The following FHIT variants were observed in gnomAD, a reference collection of about 807,000 sequenced individuals.
The protein encoded by FHIT is fragile histidine triad diadenosine triphosphatase, also known as bis(5'-adenosyl)-triphosphatase.
A neutral mutation model predicts 17.9 loss-of-function variants in FHIT; 19 were observed. The observed-to-expected ratio is 1.06, with a 90% confidence interval of 0.74 to 1.56. The LOEUF (loss-of-function observed/expected upper bound fraction) is 1.56. FHIT is among the 40% of genes most tolerant of loss of function. FHIT has a pLI of 0.00. For missense variants in FHIT, 248 were observed against 189.2 expected, an observed-to-expected ratio of 1.31 and a Z score of -1.82; for synonymous variants, 81 against 69.7, an observed-to-expected ratio of 1.16 and a Z score of -0.81.
At chr3:60,221,116 A>G (rs1292666938) in intron 5 of FHIT, among the ~76,000 whole-genome samples, 1 of 152,172 alleles carries the variant, frequency 6.6e-6, no homozygotes, top group African/African-American at 2.4e-5. Context: ...CACAAGAATC[A>G]TGTAACTGTG....
intron 5 of FHIT, among the ~76,000 whole-genome samples, chr3:60,034,771 A>G: frequency 6.6e-6 from 1 of 152,202 alleles, no homozygotes; most frequent in Non-Finnish European, 1.5e-5. Flanking sequence ...ATATTAATTT[A>G]CATGTAAAAA....
At chr3:60,185,213 C>T (rs1045418071) in intron 5 of FHIT, among the ~76,000 whole-genome samples, 1 of 152,074 alleles carries the variant, frequency 6.6e-6, no homozygotes, top group African/African-American at 2.4e-5. Flanking sequence ...GTCAGGTATC[C>T]ACCATTTACA....
chr3:60,219,963 G>A (rs956540934), intron 5 of FHIT, among the ~76,000 whole-genome samples: 4 of 152,078 alleles, frequency 2.6e-5, no homozygotes, highest in Admixed American at 1.3e-4. Context: ...TTGTTTCTCT[G>A]TACTTGCAGC....
At chr3:60,623,570 T>G (rs1281851953) in intron 4 of FHIT, among the ~76,000 whole-genome samples, 1 of 152,206 alleles carries the variant, frequency 6.6e-6, no homozygotes, top group Non-Finnish European at 1.5e-5. Context: ...AACTCGCACA[T>G]ACCAAAGTTT....
At chr3:61,117,914 G>A (rs527563197) in intron 2 of FHIT, among the ~76,000 whole-genome samples, 13 of 152,234 alleles carry the variant, frequency 8.5e-5, no homozygotes, top group Non-Finnish European at 1.2e-4. Context: ...ACAAAGCTGC[G>A]AGTGGCAAAC....
intron 4 of FHIT, among the ~76,000 whole-genome samples, chr3:60,722,337 G>A (rs2041825468): frequency 6.6e-6 from 1 of 152,194 alleles, no homozygotes; most frequent in Non-Finnish European, 1.5e-5. Flanking sequence ...TCAGGTTATA[G>A]ACTTCAAGTA....
At chr3:59,838,436 C>T (rs892288396) in intron 8 of FHIT, among the ~76,000 whole-genome samples, 16 of 152,210 alleles carry the variant, frequency 1.1e-4, no homozygotes, top group Non-Finnish European at 2.2e-4. Context: ...TCCTGCTGTT[C>T]TTCCCACTTG....
chr3:60,188,493 C>T (rs1702261361), intron 5 of FHIT, among the ~76,000 whole-genome samples: 1 of 152,168 alleles, frequency 6.6e-6, no homozygotes, highest in East Asian at 1.9e-4. Context: ...CTGAATGATT[C>T]CTTTTTCTCT....
chr3:61,105,723 C>T (rs898020383), intron 2 of FHIT, among the ~76,000 whole-genome samples: 1 of 152,056 alleles, frequency 6.6e-6, no homozygotes, highest in Non-Finnish European at 1.5e-5. Context: ...TCTTCTTTAC[C>T]CTTATACTCA....
chr3:60,156,696 G>A (rs1700712373), intron 5 of FHIT, among the ~76,000 whole-genome samples: 2 of 152,172 alleles, frequency 1.3e-5, no homozygotes, highest in African/African-American at 4.8e-5. Flanking sequence ...AGGCTGCAGT[G>A]AGCCATGATT....
intron 1 of FHIT, among the ~76,000 whole-genome samples, chr3:61,249,983 CACACACAAA>C: frequency 7.7e-6 from 1 of 129,360 alleles, no homozygotes; most frequent in African/African-American, 3.4e-5. Context: ...CACACACACA[CACACACAAA>C]CCCTAGACTT....
At chr3:59,806,462 A>C (rs1218287390) in intron 8 of FHIT, among the ~76,000 whole-genome samples, 1 of 152,004 alleles carries the variant, frequency 6.6e-6, no homozygotes, top group African/African-American at 2.4e-5. Context: ...CTACAGTTAG[A>C]CTGGTCATGG....
At chr3:61,102,707 A>C (rs1024096357) in intron 2 of FHIT, among the ~76,000 whole-genome samples, 1 of 152,114 alleles carries the variant, frequency 6.6e-6, no homozygotes, top group African/African-American at 2.4e-5. Context: ...TTGGTAGGCT[A>C]TTCATTATTG....
At chr3:60,816,179 C>T (rs781801929) in intron 4 of FHIT, among the ~76,000 whole-genome samples, 11 of 152,094 alleles carry the variant, frequency 7.2e-5, no homozygotes, top group Non-Finnish European at 1.3e-4. Flanking sequence ...ATCATATTGT[C>T]TGCAAAGAGA....
intron 7 of FHIT, among the ~76,000 whole-genome samples, chr3:59,971,390 A>G (rs6446102): frequency 0.47 from 71,667 of 151,950 alleles, 19,704 homozygotes; most frequent in South Asian, 0.62. Context: ...CATTGTGTCC[A>G]GAGACTGAGG....
At chr3:60,880,827 A>G (rs1553757810) in intron 3 of FHIT, among the ~76,000 whole-genome samples, 4 of 152,206 alleles carry the variant, frequency 2.6e-5, no homozygotes, top group African/African-American at 9.6e-5. Context: ...TCACTACAGA[A>G]AATCACTAAA....
chr3:60,960,383 GA>G (rs1319520471), intron 3 of FHIT, among the ~76,000 whole-genome samples: 1 of 152,094 alleles, frequency 6.6e-6, no homozygotes, highest in African/African-American at 2.4e-5. Flanking sequence ...AAACTACAAT[GA>G]GAAACATCTT....
chr3:60,624,775 T>C (rs1213693806), intron 4 of FHIT, among the ~76,000 whole-genome samples: 1 of 152,202 alleles, frequency 6.6e-6, no homozygotes, highest in East Asian at 1.9e-4. Flanking sequence ...TTTATAAGGT[T>C]CATCCATGTT....
At chr3:60,083,385 A>C (rs2107055279) in intron 5 of FHIT, among the ~76,000 whole-genome samples, 1 of 152,200 alleles carries the variant, frequency 6.6e-6, no homozygotes, top group East Asian at 1.9e-4. Flanking sequence ...AAGTCAGATA[A>C]CATGATACCT....
Sources: allele counts gnomAD v4.1 joint callset (sites outside exome capture counted in the v4.1 genomes callset), GRCh38; gene constraint gnomAD v4.1.1; transcripts MANE v1.5; gene names NCBI Gene and HGNC (gene_info 2026-07-23, HGNC 2026-07-21).